CPVL: variants seen among roughly 807,000 people sequenced by gnomAD.
The protein encoded by CPVL is carboxypeptidase vitellogenic like.
In CPVL, 51 loss-of-function variants were observed where a neutral mutation model predicts 63.7. The observed-to-expected ratio is 0.80, with a 90% CI of 0.64 to 1.01. CPVL has a LOEUF of 1.01. Ranked by LOEUF, CPVL falls within the 50% of genes least tolerant of loss-of-function variation. CPVL has a pLI of 0.00. For missense variants in CPVL, 530 were observed against 573.1 expected (o/e 0.92, Z 0.77); for synonymous variants, 195 against 206.0 (o/e 0.95, Z 0.46).
chr7:29,006,422 A>G (rs1028354050), intron 12 of CPVL, among the ~76,000 whole-genome samples: 3 of 152,202 alleles, frequency 2.0e-5, no homozygotes, highest in Non-Finnish European at 4.4e-5. Flanking sequence ...TGGAAATCAG[A>G]TGAGCCAGAT....
intron 3 of CPVL, 187 bp from the exon 4 acceptor site, chr7:29,096,404 T>G: frequency 1.7e-6 from 1 of 599,958 alleles, no homozygotes; most frequent in Non-Finnish European, 3.0e-6. Context: ...GTTCTTTGAA[T>G]GAGGCTGTGC....
intron 1 of CPVL, among the ~76,000 whole-genome samples, chr7:29,190,690 C>T (rs1782776597): frequency 6.6e-6 from 1 of 152,134 alleles, no homozygotes; most frequent in African/African-American, 2.4e-5. Flanking sequence ...AGGTAGTATC[C>T]TTACATGACC....
chr7:29,086,700 A>G (rs1467382909), intron 6 of CPVL, 150 bp from the exon 7 acceptor site: 1 of 636,494 alleles, frequency 1.6e-6, no homozygotes, highest in Non-Finnish European at 2.8e-6. Context: ...AGGACATTTT[A>G]TTTACACAAT....
chr7:29,131,892 A>G (rs1329395322), intron 1 of CPVL, among the ~76,000 whole-genome samples: 1 of 152,104 alleles, frequency 6.6e-6, no homozygotes, highest in Non-Finnish European at 1.5e-5. Context: ...AAGTGATAAT[A>G]CTCCAGGCAG....
intron 5 of CPVL, among the ~76,000 whole-genome samples, chr7:29,166,203 G>A (rs1285594076): frequency 6.6e-6 from 1 of 151,430 alleles, no homozygotes; most frequent in Admixed American, 6.6e-5. Flanking sequence ...GTTTTTTTTT[G>A]TTTTTGTTTT....
At chr7:29,144,768 T>C (rs146754016) in intron 1 of CPVL, among the ~76,000 whole-genome samples, 1,761 of 152,284 alleles carry the variant, frequency 0.012, 25 homozygotes, top group African/African-American at 0.04. Context: ...AATTCTGTTA[T>C]ATTATTTGCT....
intron 11 of CPVL, among the ~76,000 whole-genome samples, chr7:29,041,201 G>A (rs1223950988): frequency 6.9e-6 from 1 of 145,784 alleles, no homozygotes; most frequent in Non-Finnish European, 1.5e-5. Flanking sequence ...GTGCGATCTC[G>A]GCTCACTGCG....
intron 12 of CPVL, among the ~76,000 whole-genome samples, chr7:28,997,600 T>C (rs1170046919): frequency 1.3e-5 from 2 of 152,284 alleles, no homozygotes; most frequent in East Asian, 1.9e-4. Flanking sequence ...ACTGAGCTAT[T>C]TGGAATTATT....
At chr7:29,100,514 C>A (rs1033798610) in intron 3 of CPVL, among the ~76,000 whole-genome samples, 1 of 152,156 alleles carries the variant, frequency 6.6e-6, no homozygotes, top group African/African-American at 2.4e-5. Flanking sequence ...CTATCCTCCA[C>A]CCTATCCTCC....
chr7:29,017,274 TA>T (rs1786505945), intron 12 of CPVL, among the ~76,000 whole-genome samples: 1 of 152,240 alleles, frequency 6.6e-6, no homozygotes, highest in Non-Finnish European at 1.5e-5. Context: ...AGTTCCCCGA[TA>T]AAGCCATAAC....
intron 5 of CPVL, among the ~76,000 whole-genome samples, chr7:29,165,470 G>T (rs1358879911): frequency 6.6e-6 from 1 of 152,066 alleles, no homozygotes; most frequent in African/African-American, 2.4e-5. Context: ...CTGGTTCAAA[G>T]AATTTTCCAC....
At chr7:29,058,689 T>G (rs1275634039) in intron 11 of CPVL, among the ~76,000 whole-genome samples, 1 of 152,168 alleles carries the variant, frequency 6.6e-6, no homozygotes, top group East Asian at 1.9e-4. Context: ...GTGGGTTTTA[T>G]TCTCTCAACA....
chr7:29,191,913 T>C (rs1330876573), intron 1 of CPVL: 1 of 152,248 alleles, frequency 6.6e-6, no homozygotes, highest in South Asian at 2.1e-4. Flanking sequence ...GATAACTTAC[T>C]GATACTAAAC....
rs74837496 is a variant in CPVL, at chr7:29,071,468, T to C, written c.864+305A>G. Among the ~76,000 whole-genome samples, 11 of 152,268 alleles carry C rather than the reference T, an allele frequency of 7.2e-5. No individual in the cohort carries two copies. The East Asian group carries it at 1.7e-3, about 24-fold the overall frequency. On this transcript the variant is annotated intron_variant, in intron 9 of 12. Transcript: ENST00000265394. Reference sequence around the variant, plus strand: ...TGCCTTTCTTCTGATTTCCATATGATAGAGTCTGCCTTGAGGGCCTCCACA... The same window carrying C: ...TGCCTTTCTTCTGATTTCCATATGACAGAGTCTGCCTTGAGGGCCTCCACA...
intron 3 of CPVL, among the ~76,000 whole-genome samples, chr7:29,102,373 G>A (rs534363272): frequency 6.6e-6 from 1 of 152,198 alleles, no homozygotes; most frequent in South Asian, 2.1e-4. Context: ...AAATAAATGA[G>A]TGATATGAAA....
intron 4 of CPVL, among the ~76,000 whole-genome samples, chr7:29,182,601 A>G (rs1214771909): frequency 6.6e-6 from 1 of 152,258 alleles, no homozygotes; most frequent in Non-Finnish European, 1.5e-5. Context: ...TAAAATATCA[A>G]TTCAACGTTC....
intron 5 of CPVL, among the ~76,000 whole-genome samples, chr7:29,163,698 C>T (rs1279726835): frequency 6.6e-6 from 1 of 152,168 alleles, no homozygotes; most frequent in Non-Finnish European, 1.5e-5. Flanking sequence ...TTCCTCCCTC[C>T]TGCCATCTCT....
At position 29,063,257 on chromosome 7, in the gene CPVL, G is replaced by T. The variant is rs144507771; in HGVS notation, c.1137+804C>A. On this transcript the variant is annotated intron_variant, in intron 11 of 12. Coordinates refer to ENST00000265394, the MANE Select transcript of CPVL (RefSeq NM_031311.5). ...CTTGACTTGACCTACTTCCAAACAGGGACCCTTTCTCATTCATCATTTCAA... is the reference window on the plus strand; with the variant it reads ...CTTGACTTGACCTACTTCCAAACAGTGACCCTTTCTCATTCATCATTTCAA... 8.4e-3 allele frequency among the ~76,000 whole-genome samples: 1,274 copies of T among 152,144 alleles called. 7 individuals are homozygous for T. The highest frequency in any genetic ancestry group is 0.014 in the Admixed American group (213 of 15,282).
intron 6 of CPVL, among the ~76,000 whole-genome samples, chr7:29,087,873 CATT>C (rs1785373328): frequency 1.3e-5 from 2 of 152,196 alleles, no homozygotes; most frequent in Non-Finnish European, 2.9e-5. Context: ...TTTCTGTATT[CATT>C]ATTTATAGTG....
Sources: gnomAD v4.1 joint callset for allele counts (sites outside exome capture counted in the v4.1 genomes callset) on GRCh38, gnomAD v4.1.1 for gene constraint, MANE v1.5 for transcripts, NCBI Gene and HGNC (gene_info 2026-07-23, HGNC 2026-07-21) for gene names.